The following WTAP variants were observed in gnomAD, a reference collection of about 807,000 sequenced individuals.
The protein encoded by WTAP is WT1 associated protein, also known as pre-mRNA-splicing regulator WTAP.
In WTAP, 8 loss-of-function variants were observed where a neutral mutation model predicts 50.0. That is an observed-to-expected ratio of 0.16 (90% CI 0.09 to 0.29). The LOEUF (loss-of-function observed/expected upper bound fraction) is 0.29, where lower values mean the gene tolerates loss of function less well. Ranked by LOEUF, WTAP falls within the 10% of genes least tolerant of loss-of-function variation. The pLI is 1.00. For missense variants in WTAP, 295 were observed against 470.7 expected (o/e 0.63, Z 3.45); for synonymous variants, 194 against 169.0 (o/e 1.15, Z -1.15).
At chr6:159,740,684 G>GT (rs1030103788) in intron 3 of WTAP, among the ~76,000 whole-genome samples, 145 of 142,408 alleles carry the variant, frequency 1.0e-3, no homozygotes, top group Admixed American at 1.6e-3. Context: ...TATTAGGAAG[G>GT]TTTTTTTTTT....
intron 1 of WTAP, among the ~76,000 whole-genome samples, chr6:159,734,223 G>A (rs556468120): frequency 2.6e-5 from 4 of 151,762 alleles, no homozygotes; most frequent in South Asian, 4.2e-4. Context: ...CACATTGCCC[G>A]GGCTCGGTTC....
intron 7 of WTAP, 71 bp downstream of exon 7, chr6:159,753,685 A>T (rs1779900612): frequency 6.6e-7 from 1 of 1,513,926 alleles, no homozygotes; most frequent in African/African-American, 1.4e-5. Context: ...CCAGTCATGA[A>T]TATTATAGGT....
upstream of WTAP, chr6:159,726,880 C>T: frequency 7.8e-7 from 1 of 1,289,202 alleles, no homozygotes; most frequent in Non-Finnish European, 1.0e-6. Flanking sequence ...AGTAAACGCC[C>T]GCGGCTCGCC....
chr6:159,734,345 C>G, intron 1 of WTAP, among the ~76,000 whole-genome samples: 1 of 149,110 alleles, frequency 6.7e-6, no homozygotes. Context: ...CCACAGCACT[C>G]CAGCCTGGCA....
intron 5 of WTAP, among the ~76,000 whole-genome samples, chr6:159,744,492 G>C (rs1779449673): frequency 6.6e-6 from 1 of 150,770 alleles, no homozygotes; most frequent in Non-Finnish European, 1.5e-5. Flanking sequence ...TAGTATTCTG[G>C]TCATTGGAGA....
chr6:159,735,209 C>T (rs747755607), intron 1 of WTAP, among the ~76,000 whole-genome samples: 25 of 152,286 alleles, frequency 1.6e-4, no homozygotes, highest in Non-Finnish European at 2.4e-4. Context: ...CGCGCCATCT[C>T]GGCTCACTGC....
intron 1 of WTAP, among the ~76,000 whole-genome samples, chr6:159,729,606 C>T (rs750951667): frequency 4.6e-5 from 7 of 152,102 alleles, no homozygotes; most frequent in Non-Finnish European, 8.8e-5. Flanking sequence ...GTGCTGAAAG[C>T]ATTAATATTT....
chr6:159,726,872 T>G (rs1385897520), upstream of WTAP: 1 of 1,289,120 alleles, frequency 7.8e-7, no homozygotes, highest in South Asian at 1.2e-5. Context: ...CTGCTAAGAG[T>G]AAACGCCCGC....
At chr6:159,753,197 T>C (rs529391968) in intron 6 of WTAP, among the ~76,000 whole-genome samples, 1 of 152,348 alleles carries the variant, frequency 6.6e-6, no homozygotes, top group East Asian at 1.9e-4. Context: ...AATAGATGGA[T>C]TTCAGAATTG....
At chr6:159,731,452 A>G (rs1410516795) in intron 1 of WTAP, among the ~76,000 whole-genome samples, 1 of 152,204 alleles carries the variant, frequency 6.6e-6, no homozygotes, top group Non-Finnish European at 1.5e-5. Context: ...TGGGCGACAG[A>G]GTGAGACTCT....
chr6:159,727,249 G>A (rs1036944736), upstream of WTAP: 7 of 1,282,364 alleles, frequency 5.5e-6, no homozygotes, highest in Non-Finnish European at 4.1e-6. Context: ...CTAGGCCGAC[G>A]GCCTCCCTCC....
At position 159,755,293 on chromosome 6, in the gene WTAP, A is replaced by G. The variant is rs1583111988; in HGVS notation, c.873A>G (p.Gly291=). The change falls in exon 8 of 8, where the codon GGA becomes GGG. Residue 291 remains glycine (G), a synonymous_variant. Coordinates refer to ENST00000621533, the MANE Select transcript of WTAP (RefSeq NM_001270531.2). ...SSSRQRTSGS[G]FHREGNTTED... The stretch of plus-strand genomic sequence containing the variant: ...CCCGCCAGAGGACGTCTGGGTCTGG[A>G]TTTCACAGGGAGGGCAACACAACCG... 1 of 1,614,238 alleles carries G rather than the reference A, an allele frequency of 6.2e-7. No individual in the cohort carries two copies. Among genetic ancestry groups the G allele is most frequent in the Admixed American group, 1.7e-5 (1 of 60,036 alleles).
intron 3 of WTAP, 106 bp downstream of exon 3, chr6:159,739,151 T>G (rs949795877): frequency 4.5e-6 from 4 of 896,002 alleles, no homozygotes; most frequent in Non-Finnish European, 6.7e-6. Context: ...TGTTGTTCTA[T>G]CCTCAAATAA....
At chr6:159,726,933 C>A (rs1438325388), upstream of WTAP, 1 of 1,288,532 alleles carries the variant, frequency 7.8e-7, no homozygotes, top group African/African-American at 1.5e-5. Flanking sequence ...TCCTCCGACA[C>A]GCGGAAGCAT....
chr6:159,733,739 C>A (rs1778732464), intron 1 of WTAP, among the ~76,000 whole-genome samples: 1 of 151,866 alleles, frequency 6.6e-6, no homozygotes, highest in Non-Finnish European at 1.5e-5. Context: ...CATGGAGAAA[C>A]CCCGTCTCTA....
At chr6:159,733,665 A>C (rs952361894) in intron 1 of WTAP, among the ~76,000 whole-genome samples, 2 of 151,664 alleles carry the variant, frequency 1.3e-5, no homozygotes, top group African/African-American at 4.8e-5. Flanking sequence ...CTGTAGTCCC[A>C]GCACTTGGGA....
At chr6:159,730,351 G>A (rs1778491732) in intron 1 of WTAP, among the ~76,000 whole-genome samples, 1 of 152,026 alleles carries the variant, frequency 6.6e-6, no homozygotes, top group South Asian at 2.1e-4. Flanking sequence ...TTTCTGATAC[G>A]AGAATAGATT....
At chr6:159,739,337 C>T (rs953700494) in intron 3 of WTAP, among the ~76,000 whole-genome samples, 1 of 152,156 alleles carries the variant, frequency 6.6e-6, no homozygotes, top group Non-Finnish European at 1.5e-5. Flanking sequence ...AAAAGATGCA[C>T]TTATATTTAT....
chr6:159,755,749 GTTTTTTTTTTCTTTTCTTTTTTTTT>G lies in WTAP; in HGVS notation c.*149_*173del. 3.1e-6 allele frequency: 1 copy of G among 317,906 alleles called. No homozygotes were observed. The highest frequency in any genetic ancestry group is 1.8e-4 in the South Asian group (1 of 5,606). 19.7% of individuals were successfully genotyped at this position (317,906 alleles called of 1,614,324 possible). ...TTTTTTTTTGTTGTTTTTTTTCTTT[GTTTTTTTTTTCTTTTCTTTTTTTTT>G]TTTTTTTTTTTTTTTTGCTTCAATA... On this transcript the variant is annotated 3_prime_UTR_variant, in exon 8 of 8. Transcript: ENST00000621533.
Sources: gnomAD v4.1 joint callset for allele counts (sites outside exome capture counted in the v4.1 genomes callset) on GRCh38, gnomAD v4.1.1 for gene constraint, MANE v1.5 for transcripts, NCBI Gene and HGNC (gene_info 2026-07-23, HGNC 2026-07-21) for gene names.